SLIT1: variants seen among roughly 807,000 people sequenced by gnomAD.
SLIT1 encodes slit guidance ligand 1.
SLIT1 carries 66 observed loss-of-function variants against 186.1 expected under a neutral mutation model. The observed-to-expected ratio is 0.35, with a 90% CI of 0.29 to 0.44. The LOEUF is 0.44. Ranked by LOEUF, SLIT1 falls within the 20% of genes least tolerant of loss-of-function variation. The pLI is 1.00. For synonymous variants in SLIT1, 761 were observed against 833.8 expected, an observed-to-expected ratio of 0.91 and a Z score of 1.50; for missense variants, 1,638 against 2,037.4, an observed-to-expected ratio of 0.80 and a Z score of 3.77.
At chr10:97,030,383 A>G (rs1848580209) in intron 25 of SLIT1, among the ~76,000 whole-genome samples, 1 of 152,220 alleles carries the variant, frequency 6.6e-6, no homozygotes, top group Non-Finnish European at 1.5e-5. Context: ...ACCACCCTGC[A>G]GCTGTGCAGC....
chr10:97,018,917 C>G (rs1464078601), intron 27 of SLIT1, 66 bp downstream of exon 27: 13 of 970,478 alleles, frequency 1.3e-5, no homozygotes, highest in South Asian at 1.0e-4. Context: ...GTGCTCTGGG[C>G]CCTGGGGACA....
At chr10:97,074,982 G>C (rs1849032902) in intron 4 of SLIT1, among the ~76,000 whole-genome samples, 1 of 152,248 alleles carries the variant, frequency 6.6e-6, no homozygotes, top group African/African-American at 2.4e-5. Context: ...GCAGGGGTGG[G>C]AGTACACAGA....
At chr10:97,180,362 T>C (rs1415701430) in intron 1 of SLIT1, among the ~76,000 whole-genome samples, 3 of 152,340 alleles carry the variant, frequency 2.0e-5, no homozygotes, top group Admixed American at 6.5e-5. Flanking sequence ...TCATCCCCAC[T>C]TTATGGGCAA....
At chr10:97,056,640 C>T (rs1377751531) in intron 12 of SLIT1, among the ~76,000 whole-genome samples, 176 bp from the exon 13 acceptor site, 3 of 152,214 alleles carry the variant, frequency 2.0e-5, no homozygotes, top group East Asian at 1.9e-4. Context: ...CCCGGAACTC[C>T]GACTGCCTCC....
intron 36 of SLIT1, 53 bp downstream of exon 36, chr10:97,002,105 A>T: frequency 8.2e-7 from 1 of 1,214,610 alleles, no homozygotes; most frequent in Non-Finnish European, 1.1e-6. Flanking sequence ...CAAATTGCTA[A>T]AGCAATTTGT....
chr10:97,037,788 G>C (rs375198193), intron 21 of SLIT1, 22 bp from the exon 22 acceptor site: 6 of 1,588,354 alleles, frequency 3.8e-6, no homozygotes, highest in Non-Finnish European at 5.2e-6. Context: ...ACACAGCGGC[G>C]TTAGTGCCCA....
At chr10:97,163,605 G>A (rs1360462087) in intron 2 of SLIT1, among the ~76,000 whole-genome samples, 154 bp from the exon 3 acceptor site, 2 of 152,236 alleles carry the variant, frequency 1.3e-5, no homozygotes, top group South Asian at 2.1e-4. Context: ...ACAGGCCTAT[G>A]CCTGGCCTGA....
chr10:97,107,175 T>C (rs919230785), intron 4 of SLIT1, among the ~76,000 whole-genome samples: 1 of 152,166 alleles, frequency 6.6e-6, no homozygotes, highest in Non-Finnish European at 1.5e-5. Context: ...GATAAAGCAC[T>C]CTACCTGAGG....
rs753343469 is a variant in SLIT1 at position 97,043,474 on chromosome 10, G to T, written c.1893C>A (p.Asp631Glu). ...GGACGTTGCGCAGGCCCGTGAAGCTGTCGTTGTGGATGCAGCTGATGCGGT... is the reference window on the plus strand; with the variant it reads ...GGACGTTGCGCAGGCCCGTGAAGCTTTCGTTGTGGATGCAGCTGATGCGGT... ...RNNRISCIHN[D>E]SFTGLRNVRL... Residue 631 changes from aspartate (D) to glutamate (E), a missense_variant, in exon 19 of 37, where the codon GAC (aspartate) becomes GAA (glutamate). Physicochemically the swap from Asp to Glu is conservative, Grantham distance 45. Around this residue, in one of 3 missense-constraint regions of SLIT1, gnomAD observed 1,245 missense variants for 1,535.3 expected, o/e 0.81. Transcript: ENST00000266058. The surrounding 1 kb of genome is among the most constrained non-coding windows in gnomAD (Gnocchi z 7.0). 6.2e-7 allele frequency: 1 copy of T among 1,613,948 alleles called. No homozygotes were observed. The highest frequency in any genetic ancestry group is 8.5e-7 in the Non-Finnish European group (1 of 1,179,988).
intron 14 of SLIT1, 23 bp downstream of exon 14, chr10:97,048,932 C>G (rs1848762324): frequency 2.5e-6 from 4 of 1,600,428 alleles, no homozygotes; most frequent in Non-Finnish European, 3.4e-6. Context: ...GACAGGTGGG[C>G]AGGTGGGCAG....
chr10:97,020,347 T>C (rs1391073949), intron 26 of SLIT1, among the ~76,000 whole-genome samples: 2 of 152,160 alleles, frequency 1.3e-5, no homozygotes, highest in Non-Finnish European at 1.5e-5. Flanking sequence ...ACCCATTCAC[T>C]CATGATCTGT....
intron 13 of SLIT1, among the ~76,000 whole-genome samples, chr10:97,052,056 G>C (rs1432467789): frequency 6.6e-6 from 1 of 151,004 alleles, no homozygotes; most frequent in Non-Finnish European, 1.5e-5. Context: ...AAAGAAATAA[G>C]TCAGTCACAA....
Position 97,022,376 on chromosome 10 carries a change from T to G in SLIT1, c.2583-963A>C, listed in dbSNP as rs1202516784. Among the ~76,000 whole-genome samples the G allele has an allele frequency of 6.6e-6, 1 of 152,218 alleles. No homozygotes were observed. Among genetic ancestry groups the G allele is most frequent in the Non-Finnish European group, 1.5e-5 (1 of 68,036 alleles). On this transcript the variant is annotated intron_variant, in intron 25 of 36. Transcript: ENST00000266058. This position sits in a 1 kb window ranked among gnomAD's most constrained non-coding sequence, Gnocchi z 4.2. Reference sequence around the variant, plus strand: ...TTTCAAGCATTGCAGACAAAGCAAGTGTCTGCCCTGCACAACACTGTGAAT... The same window carrying G: ...TTTCAAGCATTGCAGACAAAGCAAGGGTCTGCCCTGCACAACACTGTGAAT...
intron 3 of SLIT1, among the ~76,000 whole-genome samples, chr10:97,161,639 G>A (rs142369564): frequency 2.0e-5 from 3 of 152,272 alleles, no homozygotes; most frequent in Non-Finnish European, 2.9e-5. Context: ...TTAGCTGGGC[G>A]TGGTGGCTGG....
intron 4 of SLIT1, among the ~76,000 whole-genome samples, chr10:97,141,899 C>T (rs1451305929): frequency 6.6e-6 from 1 of 152,138 alleles, no homozygotes; most frequent in Non-Finnish European, 1.5e-5. Context: ...CTCAAGCAAT[C>T]CTCCTGCTTC....
intron 26 of SLIT1, among the ~76,000 whole-genome samples, chr10:97,020,691 C>A (rs1848495077): frequency 6.6e-6 from 1 of 152,274 alleles, no homozygotes; most frequent in Non-Finnish European, 1.5e-5. Flanking sequence ...AAAGCCCGGC[C>A]CCGGCGGCCA....
chr10:97,096,386 C>A (rs112156418), intron 4 of SLIT1, among the ~76,000 whole-genome samples: 180 of 152,244 alleles, frequency 1.2e-3, no homozygotes, highest in African/African-American at 4.2e-3. Context: ...CGAGCCCCCC[C>A]GCCAGCGCCC....
At chr10:97,096,362 C>A (rs75247165) in intron 4 of SLIT1, among the ~76,000 whole-genome samples, 1,703 of 152,248 alleles carry the variant, frequency 0.011, 91 homozygotes, top group Admixed American at 0.084. Flanking sequence ...GACATCCTCT[C>A]GCCATCACGC....
chr10:97,072,330 T>G, intron 4 of SLIT1, among the ~76,000 whole-genome samples: 1 of 152,288 alleles, frequency 6.6e-6, no homozygotes, highest in African/African-American at 2.4e-5. Flanking sequence ...GGCTAATTTT[T>G]TAAAAAATAT....
Sources: gnomAD v4.1 joint callset for allele counts (sites outside exome capture counted in the v4.1 genomes callset) on GRCh38, gnomAD v4.1.1 for gene constraint, gnomAD v4.1.1 regional missense constraint, Gnocchi (gnomAD v3.1) non-coding constraint, MANE v1.5 for transcripts, NCBI Gene and HGNC (gene_info 2026-07-23, HGNC 2026-07-21) for gene names.